The following PALB2 variants were observed in gnomAD, a reference collection of about 807,000 sequenced individuals.
The protein encoded by PALB2 is partner and localizer of BRCA2.
In PALB2, 82 loss-of-function variants were observed where a neutral mutation model predicts 107.4. That is an observed-to-expected ratio of 0.76 (90% CI 0.64 to 0.92). The LOEUF is 0.92. PALB2 is among the 40% of genes least tolerant of loss of function. PALB2 has a pLI of 0.00. For missense variants in PALB2, 1,374 were observed against 1,379.9 expected, an observed-to-expected ratio of 1.00 and a Z score of 0.07; for synonymous variants, 489 against 496.8, an observed-to-expected ratio of 0.98 and a Z score of 0.21.
chr16:23,624,647 G>C (rs761535619), intron 7 of PALB2, among the ~76,000 whole-genome samples: 2 of 152,180 alleles, frequency 1.3e-5, no homozygotes, highest in Non-Finnish European at 2.9e-5. Flanking sequence ...CTGAGTAGCT[G>C]GGATTACAGG....
chr16:23,630,963 T>C (rs1302203767), intron 4 of PALB2, among the ~76,000 whole-genome samples: 1 of 149,016 alleles, frequency 6.7e-6, no homozygotes, highest in Non-Finnish European at 1.5e-5. Context: ...AATAAATAAA[T>C]AAAAATTAAA....
chr16:23,621,066 T>G (rs985963872), intron 10 of PALB2, among the ~76,000 whole-genome samples: 1 of 152,130 alleles, frequency 6.6e-6, no homozygotes, highest in Non-Finnish European at 1.5e-5. Context: ...AAAAATTAGC[T>G]GGGTGTGGTG....
At chr16:23,603,909 G>A (rs761147124) in intron 12 of PALB2, among the ~76,000 whole-genome samples, 27 of 152,078 alleles carry the variant, frequency 1.8e-4, no homozygotes, top group Non-Finnish European at 1.6e-4. Context: ...GAAGGCTGGC[G>A]CACAGTGGCC....
chr16:23,605,865 T>C (rs1966463489), intron 12 of PALB2: 1 of 152,226 alleles, frequency 6.6e-6, no homozygotes, highest in Non-Finnish European at 1.5e-5. Flanking sequence ...CCTTCTACCA[T>C]GTGAGGACAC....
chr16:23,633,230 C>G (rs1301832754), intron 4 of PALB2, among the ~76,000 whole-genome samples: 2 of 152,184 alleles, frequency 1.3e-5, no homozygotes, highest in African/African-American at 4.8e-5. Context: ...ATTAATTAGT[C>G]ACAGCTTATA....
chr16:23,639,973 G>C (rs2142472324), intron 1 of PALB2, among the ~76,000 whole-genome samples: 1 of 151,992 alleles, frequency 6.6e-6, no homozygotes, highest in Middle Eastern at 3.4e-3. Context: ...CAACCTCAGC[G>C]TCCCCTGGTT....
At chr16:23,629,419 G>C in intron 5 of PALB2, 144 bp from the exon 6 acceptor site, 1 of 908,276 alleles carries the variant, frequency 1.1e-6, no homozygotes, top group Non-Finnish European at 1.8e-6. Flanking sequence ...CTGTTTCACT[G>C]ATAACAAAGA....
At chr16:23,615,910 C>T (rs555823322) in intron 10 of PALB2, among the ~76,000 whole-genome samples, 29 of 152,166 alleles carry the variant, frequency 1.9e-4, no homozygotes, top group South Asian at 8.3e-4. Flanking sequence ...GTGATCTACC[C>T]GCCTTGGCCT....
chr16:23,607,488 G>T, intron 12 of PALB2: 1 of 310,316 alleles, frequency 3.2e-6, no homozygotes, highest in South Asian at 3.0e-5. Context: ...TAGAGACTGG[G>T]TCTTGCTCTG....
rs1322250562 is a variant in PALB2, at chr16:23,636,351, T to G, written c.212-17A>C. On this transcript the variant is annotated splice_polypyrimidine_tract_variant and intron_variant, in intron 3 of 12. Coordinates refer to ENST00000261584, the MANE Select transcript of PALB2 (RefSeq NM_024675.4). The stretch of plus-strand genomic sequence containing the variant: ...TTTTAGGTTCTGAGGAGGAAAAAAA[T>G]GTATATAACTTATATTTTTCTTATA... 1.3e-6 allele frequency: 2 copies of G among 1,494,772 alleles called. No individual in the cohort carries two copies. The highest frequency in any genetic ancestry group is 1.8e-6 in the Non-Finnish European group (2 of 1,102,946). The allele number at this position is 1,494,772 out of a possible 1,614,324, so 92.6% of individuals were successfully genotyped here. A position where few individuals can be genotyped will look rare whatever the true frequency, so the allele number is the denominator to read the frequency against.
chr16:23,618,669 T>C (rs1458339679), intron 10 of PALB2, among the ~76,000 whole-genome samples: 2 of 151,908 alleles, frequency 1.3e-5, no homozygotes, highest in Admixed American at 6.6e-5. Context: ...GAGTAAGACA[T>C]AGTCTAAAAA....
chr16:23,614,646 T>A (rs933112888), intron 10 of PALB2, among the ~76,000 whole-genome samples: 1 of 104,866 alleles, frequency 9.5e-6, no homozygotes, highest in Non-Finnish European at 1.9e-5. Context: ...ACTTCCCAGC[T>A]TTTTTTTTTT....
intron 9 of PALB2, among the ~76,000 whole-genome samples, chr16:23,622,339 G>A (rs1161348347): frequency 2.6e-5 from 4 of 151,980 alleles, no homozygotes; most frequent in African/African-American, 9.7e-5. Context: ...TGTGTGGAAC[G>A]AGGAAAGGGT....
Position 23,641,297 on chromosome 16 carries a change from T to C in PALB2, c.-140A>G, listed in dbSNP as rs1967245304. On this transcript the variant is annotated 5_prime_UTR_variant, in exon 1 of 13. Transcript: ENST00000261584. ...ATCGCACCCTCAGTGCGCGATCAGCTGACCCACGCGGGCCAAGCGCGCCCT... is the reference window on the plus strand; with the variant it reads ...ATCGCACCCTCAGTGCGCGATCAGCCGACCCACGCGGGCCAAGCGCGCCCT... The C allele has an allele frequency of 6.7e-6, 8 of 1,197,244 alleles. No homozygotes were observed. The highest frequency in any genetic ancestry group is 9.5e-6 in the Non-Finnish European group (8 of 841,718). The allele number at this position is 1,197,244 out of a possible 1,614,324, so 74.2% of individuals were successfully genotyped here.
At position 23,621,618 on chromosome 16, in the gene PALB2, TA is replaced by T; in HGVS notation, c.2997-141del. 6.0e-6 allele frequency: 4 copies of T among 661,468 alleles called. No individual in the cohort carries two copies. In the Admixed American group the frequency reaches 9.7e-5, roughly 16 times the overall value. The allele number at this position is 661,468 out of a possible 1,614,324, so 41.0% of individuals were successfully genotyped here. ...AATCTAACCCAGAAAACGTGTATAC[TA>T]AACTTTCTACAATGAACATATATTA... On this transcript the variant is annotated intron_variant, in intron 9 of 12. Coordinates refer to ENST00000261584, the MANE Select transcript of PALB2 (RefSeq NM_024675.4).
chr16:23,631,367 G>T (rs1247091904), intron 4 of PALB2, among the ~76,000 whole-genome samples: 1 of 150,208 alleles, frequency 6.7e-6, no homozygotes, highest in Non-Finnish European at 1.5e-5. Flanking sequence ...TACTCAGGAA[G>T]CTGAGGTAGG....
intron 4 of PALB2, among the ~76,000 whole-genome samples, chr16:23,634,637 AT>A (rs1385398441): frequency 9.3e-5 from 13 of 139,298 alleles, no homozygotes; most frequent in Admixed American, 4.3e-4. Context: ...CTGTCTCTTT[AT>A]TTTTATTTAT....
At chr16:23,621,915 C>A (rs1966780384) in intron 9 of PALB2, among the ~76,000 whole-genome samples, 1 of 152,128 alleles carries the variant, frequency 6.6e-6, no homozygotes, top group African/African-American at 2.4e-5. Context: ...TCTCCTTCCT[C>A]TCAATCTAGT....
intron 6 of PALB2, 63 bp downstream of exon 6, chr16:23,629,136 ATTCTT>A: frequency 8.2e-7 from 1 of 1,225,792 alleles, no homozygotes; most frequent in Admixed American, 1.7e-5. Flanking sequence ...ATATGACTGA[ATTCTT>A]TTCAGTTCAT....
Sources: allele counts gnomAD v4.1 joint callset (sites outside exome capture counted in the v4.1 genomes callset), GRCh38; gene constraint gnomAD v4.1.1; transcripts MANE v1.5; gene names NCBI Gene and HGNC (gene_info 2026-07-23, HGNC 2026-07-21).